CALN1: variants seen among roughly 807,000 people sequenced by gnomAD.
CALN1 encodes calcium-binding protein 8.
Under a neutral mutation model 30.6 loss-of-function variants are expected in CALN1, and 17 were observed. The observed-to-expected ratio is 0.56, with a 90% CI of 0.38 to 0.83. The LOEUF is 0.83. Ranked by LOEUF, CALN1 falls within the 40% of genes least tolerant of loss-of-function variation. The pLI is 0.00. For synonymous variants in CALN1, 156 were observed against 131.4 expected (o/e 1.19, Z -1.28); for missense variants, 291 against 354.9 (o/e 0.82, Z 1.45).
chr7:72,436,734 C>T (rs1808170991), intron 1 of CALN1, among the ~76,000 whole-genome samples: 1 of 152,080 alleles, frequency 6.6e-6, no homozygotes, highest in African/African-American at 2.4e-5. Context: ...GTTCTCCAAG[C>T]GTGGGCCCAA....
chr7:71,786,564 C>T lies in CALN1; in HGVS notation c.*1211G>A, dbSNP rs1214342606. On this transcript the variant is annotated 3_prime_UTR_variant, in exon 7 of 7. Transcript: ENST00000395275. Reference sequence around the variant, plus strand: ...GGCTAAACTCATAAACATCTTTTCCCCCAACCTCCTGAAAATGAGTCAGTT... The same window carrying T: ...GGCTAAACTCATAAACATCTTTTCCTCCAACCTCCTGAAAATGAGTCAGTT... The T allele has an allele frequency of 6.6e-6, 1 of 152,128 alleles. No individual in the cohort carries two copies. Among genetic ancestry groups the T allele is most frequent in the Non-Finnish European group, 1.5e-5 (1 of 68,038 alleles). The allele number at this position is 152,128 out of a possible 1,614,324, so 9.4% of individuals were successfully genotyped here.
At chr7:72,016,279 T>G (rs1265232002) in intron 5 of CALN1, among the ~76,000 whole-genome samples, 1 of 148,670 alleles carries the variant, frequency 6.7e-6, no homozygotes, top group Non-Finnish European at 1.5e-5. Context: ...TCACTGTCAA[T>G]GATTGAATAT....
chr7:71,862,391 C>T (rs1342981353), intron 5 of CALN1, among the ~76,000 whole-genome samples: 2 of 152,122 alleles, frequency 1.3e-5, no homozygotes, highest in Non-Finnish European at 2.9e-5. Context: ...AGGTCTTTCC[C>T]GTGCTGTTCT....
chr7:72,310,427 C>T (rs1799959517), intron 2 of CALN1, among the ~76,000 whole-genome samples: 1 of 150,508 alleles, frequency 6.6e-6, no homozygotes, highest in Non-Finnish European at 1.5e-5. Flanking sequence ...CTAGATGCAG[C>T]AGTGCTAATA....
intron 2 of CALN1, among the ~76,000 whole-genome samples, chr7:72,343,709 T>C (rs562611004): frequency 6.6e-6 from 1 of 152,252 alleles, no homozygotes; most frequent in East Asian, 1.9e-4. Context: ...GAAGAAGCTA[T>C]TCCAGTTTTT....
At chr7:71,846,583 T>C (rs1435179497) in intron 5 of CALN1, among the ~76,000 whole-genome samples, 1 of 151,940 alleles carries the variant, frequency 6.6e-6, no homozygotes, top group Non-Finnish European at 1.5e-5. Context: ...TCAAGCTTTT[T>C]GTTTTCCCCC....
intron 2 of CALN1, among the ~76,000 whole-genome samples, chr7:72,298,977 T>C (rs1799058336): frequency 6.6e-6 from 1 of 152,120 alleles, no homozygotes. Flanking sequence ...CTTTTGTAAA[T>C]TGTCCAGTCT....
At chr7:72,029,183 G>A (rs1801280689) in intron 4 of CALN1, among the ~76,000 whole-genome samples, 1 of 151,848 alleles carries the variant, frequency 6.6e-6, no homozygotes, top group Admixed American at 6.6e-5. Flanking sequence ...CTGGAGTGCA[G>A]TGGCACGATC....
chr7:71,836,939 C>G (rs1444184787), intron 5 of CALN1, among the ~76,000 whole-genome samples: 1 of 147,280 alleles, frequency 6.8e-6, no homozygotes, highest in Non-Finnish European at 1.5e-5. Context: ...TATTTCTAAA[C>G]AAGAGCCACT....
chr7:72,405,750 T>C (rs1806653170), intron 1 of CALN1, among the ~76,000 whole-genome samples: 1 of 152,194 alleles, frequency 6.6e-6, no homozygotes, highest in South Asian at 2.1e-4. Flanking sequence ...TTTTCAGATA[T>C]GCTTTTAGTT....
chr7:71,900,233 A>AT (rs931968267), intron 5 of CALN1, among the ~76,000 whole-genome samples: 2 of 152,140 alleles, frequency 1.3e-5, no homozygotes, highest in African/African-American at 4.8e-5. Flanking sequence ...AACTATGGTT[A>AT]TTTTTTTAAA....
the CALN1 span, among the ~76,000 whole-genome samples, chr7:72,459,667 G>T: frequency 6.7e-6 from 1 of 150,326 alleles, no homozygotes; most frequent in Non-Finnish European, 1.5e-5. Flanking sequence ...CCTAAATGTG[G>T]AAATAAAATG....
intron 3 of CALN1, among the ~76,000 whole-genome samples, chr7:72,205,551 A>AAATATATACATATATATAAATAT: frequency 1.2e-5 from 1 of 83,044 alleles, no homozygotes; most frequent in South Asian, 4.8e-4. Flanking sequence ...GCAAAAAAAA[A>AAATATATACATATATATAAATAT]ATATATATAT....
the CALN1 span, among the ~76,000 whole-genome samples, chr7:72,478,184 A>G: frequency 0.64 from 97,310 of 150,926 alleles, 32,181 homozygotes; most frequent in African/African-American, 0.79. Context: ...CAGGACCAGT[A>G]AGCAACGTAG....
intron 3 of CALN1, among the ~76,000 whole-genome samples, chr7:72,163,103 G>C (rs1047256641): frequency 3.9e-5 from 6 of 152,148 alleles, no homozygotes; most frequent in Non-Finnish European, 8.8e-5. Context: ...TTCAAATCTT[G>C]TCAAATTACA....
intron 3 of CALN1, among the ~76,000 whole-genome samples, chr7:72,124,115 G>A (rs745401187): frequency 1.3e-5 from 2 of 152,102 alleles, no homozygotes; most frequent in South Asian, 2.1e-4. Flanking sequence ...CAATCATTCC[G>A]TATTTCCCCT....
chr7:72,222,012 G>A (rs1056150431), intron 3 of CALN1, among the ~76,000 whole-genome samples: 4 of 152,054 alleles, frequency 2.6e-5, no homozygotes, highest in African/African-American at 4.8e-5. Flanking sequence ...GATCATTTGG[G>A]CTCAGGTGTT....
intron 2 of CALN1, among the ~76,000 whole-genome samples, chr7:72,311,401 T>G (rs1468125521): frequency 6.6e-6 from 1 of 152,084 alleles, no homozygotes; most frequent in Non-Finnish European, 1.5e-5. Flanking sequence ...AGTCAAAAGT[T>G]ATGTGAATTT....
At chr7:71,808,852 T>C (rs12699095) in intron 6 of CALN1, among the ~76,000 whole-genome samples, 24,768 of 152,048 alleles carry the variant, frequency 0.16, 2,951 homozygotes, top group East Asian at 0.6. Context: ...GCGAGATGGA[T>C]TGGGAAGGCC....
Sources: gnomAD v4.1 joint callset for allele counts (sites outside exome capture counted in the v4.1 genomes callset) on GRCh38, gnomAD v4.1.1 for gene constraint, MANE v1.5 for transcripts, NCBI Gene and HGNC (gene_info 2026-07-23, HGNC 2026-07-21) for gene names.